Variants in NMNAT3 observed in about 807,000 individuals in gnomAD.
NMNAT3 encodes nicotinamide/nicotinic acid mononucleotide adenylyltransferase 3.
A neutral mutation model predicts 24.8 loss-of-function variants in NMNAT3; 21 were observed. The ratio of observed to expected loss-of-function variants is 0.85; its 90% CI spans 0.60 to 1.22. The LOEUF is 1.22. Ranked by LOEUF, NMNAT3 falls within the 50% of genes most tolerant of loss-of-function variation. The probability of loss-of-function intolerance (pLI) is 0.00; values close to 1 mark genes in which losing one functional copy is unlikely to be tolerated. For synonymous variants in NMNAT3, 136 were observed against 155.2 expected, an observed-to-expected ratio of 0.88 and a Z score of 0.92; for missense variants, 387 against 436.6, an observed-to-expected ratio of 0.89 and a Z score of 1.01.
chr3:139,561,936 G>A (rs2107975400), intron 6 of NMNAT3, among the ~76,000 whole-genome samples: 1 of 152,284 alleles, frequency 6.6e-6, no homozygotes, highest in East Asian at 1.9e-4. Context: ...ACTCCAGCTG[G>A]TGGCCTTTTC....
intron 1 of NMNAT3, among the ~76,000 whole-genome samples, chr3:139,644,634 C>T (rs1041940004): frequency 2.0e-5 from 3 of 152,048 alleles, no homozygotes; most frequent in African/African-American, 7.2e-5. Flanking sequence ...AAAAAAGGAC[C>T]ATAAATAACA....
intron 6 of NMNAT3, among the ~76,000 whole-genome samples, chr3:139,573,296 G>A (rs1455477069): frequency 6.6e-6 from 1 of 152,194 alleles, no homozygotes; most frequent in Non-Finnish European, 1.5e-5. Flanking sequence ...GCACTCATCA[G>A]TTTATCCCTG....
intron 6 of NMNAT3, chr3:139,568,858 CT>C (rs1447992791): frequency 6.6e-6 from 1 of 152,206 alleles, no homozygotes; most frequent in African/African-American, 2.4e-5. Flanking sequence ...TCTATTAAGT[CT>C]GCTTGGTGCA....
chr3:139,633,573 C>T (rs530119181), intron 2 of NMNAT3, among the ~76,000 whole-genome samples: 24 of 152,232 alleles, frequency 1.6e-4, no homozygotes, highest in Admixed American at 3.9e-4. Context: ...ATCTTTTTAG[C>T]GGCAGGCTGT....
chr3:139,676,137 T>G (rs1277266858), intron 1 of NMNAT3, among the ~76,000 whole-genome samples: 1 of 152,212 alleles, frequency 6.6e-6, no homozygotes, highest in Non-Finnish European at 1.5e-5. Context: ...CTGTTCTTTT[T>G]TACCACTCCC....
At chr3:139,643,944 T>C (rs1451822218) in intron 1 of NMNAT3, among the ~76,000 whole-genome samples, 2 of 152,232 alleles carry the variant, frequency 1.3e-5, no homozygotes, top group Admixed American at 1.3e-4. Flanking sequence ...TTCAATGCCA[T>C]TGCATTGCTT....
chr3:139,674,992 G>A (rs923311223), intron 1 of NMNAT3, among the ~76,000 whole-genome samples: 2 of 152,090 alleles, frequency 1.3e-5, no homozygotes, highest in Admixed American at 6.6e-5. Flanking sequence ...GGTGATACAT[G>A]GGAAAGTCAC....
At chr3:139,651,592 A>C (rs1333607315) in intron 1 of NMNAT3, among the ~76,000 whole-genome samples, 1 of 152,166 alleles carries the variant, frequency 6.6e-6, no homozygotes, top group Non-Finnish European at 1.5e-5. Flanking sequence ...GAGATTCCAG[A>C]ATCCTGAAAA....
In NMNAT3 at chr3:139,589,233, A is replaced by G. The variant is rs541543617; in HGVS notation, c.110-6025T>C. On this transcript the variant is annotated intron_variant, in intron 3 of 6. Transcript: ENST00000643695. ...GGAGGTACACAGTGAACTAATAGAA[A>G]TTTCTGAAAGAGAACAGGAAAACAG... 5.3e-5 allele frequency among the ~76,000 whole-genome samples: 8 copies of G among 152,346 alleles called. No homozygotes were observed. In the East Asian group the frequency reaches 1.5e-3, roughly 29 times the overall value.
At position 139,583,347 on chromosome 3, in the gene NMNAT3, G is replaced by A. The variant is rs572550313; in HGVS notation, c.110-139C>T. 8.8e-6 allele frequency: 13 copies of A among 1,471,512 alleles called. No homozygotes were observed. The African/African-American group carries it at 1.7e-4, about 19-fold the overall frequency. 91.2% of individuals were successfully genotyped at this position (1,471,512 alleles called of 1,614,324 possible). A position where few individuals can be genotyped will look rare whatever the true frequency, so the allele number is the denominator to read the frequency against. Reference sequence around the variant, plus strand: ...AATGGAAGTTTCACAAGTGGAATCTGTTCAATAGGTACATTTTCAACTGGA... The same window carrying A: ...AATGGAAGTTTCACAAGTGGAATCTATTCAATAGGTACATTTTCAACTGGA... On this transcript the variant is annotated intron_variant, in intron 3 of 6. Coordinates refer to ENST00000643695, the MANE Select transcript of NMNAT3 (RefSeq NM_001320510.2).
Position 139,674,973 on chromosome 3 carries a change from G to C in NMNAT3, c.-141+2732C>G, listed in dbSNP as rs150462008. 2.4e-4 allele frequency among the ~76,000 whole-genome samples: 36 copies of C among 152,268 alleles called. No individual in the cohort carries two copies. The East Asian group carries it at 6.8e-3, about 29-fold the overall frequency. On this transcript the variant is annotated intron_variant, in intron 1 of 6. Transcript: ENST00000643695. Reference sequence around the variant, plus strand: ...TTTTACAGATGCAAAAACAGGTTTAGAGCACTTTGGTGATACATGGGAAAG... The same window carrying C: ...TTTTACAGATGCAAAAACAGGTTTACAGCACTTTGGTGATACATGGGAAAG...
At chr3:139,564,558 C>T (rs148429112) in intron 6 of NMNAT3, among the ~76,000 whole-genome samples, 262 of 152,300 alleles carry the variant, frequency 1.7e-3, no homozygotes, top group South Asian at 3.7e-3. Context: ...CACACCCAAG[C>T]AGCCCAGAAT....
intron 2 of NMNAT3, among the ~76,000 whole-genome samples, chr3:139,631,162 G>C (rs1306309397): frequency 1.3e-5 from 2 of 152,150 alleles, no homozygotes; most frequent in South Asian, 2.1e-4. Context: ...CACTGTTCTA[G>C]TGGTGACTGT....
At chr3:139,623,437 CT>C (rs889292148) in intron 3 of NMNAT3, among the ~76,000 whole-genome samples, 66 of 151,428 alleles carry the variant, frequency 4.4e-4, no homozygotes, top group East Asian at 7.8e-4. Context: ...TTACAGTTAA[CT>C]TTTTTTTTAA....
chr3:139,591,697 C>T (rs2054191022), intron 3 of NMNAT3, among the ~76,000 whole-genome samples: 2 of 152,248 alleles, frequency 1.3e-5, no homozygotes, highest in South Asian at 2.1e-4. Flanking sequence ...AGGCACCCCC[C>T]AGCAGGGGCA....
At chr3:139,664,992 T>C (rs2057530805) in intron 1 of NMNAT3, among the ~76,000 whole-genome samples, 1 of 152,208 alleles carries the variant, frequency 6.6e-6, no homozygotes, top group Non-Finnish European at 1.5e-5. Flanking sequence ...TGGATTTTTA[T>C]CAGGACAGCA....
At chr3:139,607,096 C>T (rs1239482283) in intron 3 of NMNAT3, among the ~76,000 whole-genome samples, 2 of 151,938 alleles carry the variant, frequency 1.3e-5, no homozygotes, top group African/African-American at 4.8e-5. Flanking sequence ...ACTGGGGTTT[C>T]ATGGTTTCTA....
At position 139,658,365 on chromosome 3, in the gene NMNAT3, C is replaced by T. The variant is rs751417084; in HGVS notation, c.-141+19340G>A. Among the ~76,000 whole-genome samples the T allele has an allele frequency of 2.6e-5, 4 of 152,226 alleles. No individual in the cohort carries two copies. In the East Asian group the frequency reaches 5.8e-4, roughly 22 times the overall value. On this transcript the variant is annotated intron_variant, in intron 1 of 6. Transcript: ENST00000643695. ...GCTTCTCTTAAGGACCCTGCCCTCG[C>T]GATCCCAGCTCATTGCTCCAAGCCT...
intron 6 of NMNAT3, chr3:139,569,076 G>C (rs530452014): frequency 6.6e-6 from 1 of 152,298 alleles, no homozygotes; most frequent in East Asian, 1.9e-4. Flanking sequence ...CTGTTGAATT[G>C]ATCCCTTTAC....
Sources: allele counts gnomAD v4.1 joint callset (sites outside exome capture counted in the v4.1 genomes callset), GRCh38; gene constraint gnomAD v4.1.1; transcripts MANE v1.5; gene names NCBI Gene and HGNC (gene_info 2026-07-23, HGNC 2026-07-21).